TMEM236: variants seen among roughly 807,000 people sequenced by gnomAD.
The protein encoded by TMEM236 is transmembrane protein 236.
A neutral mutation model predicts 14.7 loss-of-function variants in TMEM236; 11 were observed. The ratio of observed to expected loss-of-function variants is 0.75; its 90% CI spans 0.47 to 1.24. The LOEUF is 1.24. Ranked by LOEUF, TMEM236 falls within the 50% of genes most tolerant of loss-of-function variation. TMEM236 has a pLI of 0.00. For missense variants in TMEM236, 464 were observed against 427.3 expected, an observed-to-expected ratio of 1.09 and a Z score of -0.76; for synonymous variants, 182 against 168.6, an observed-to-expected ratio of 1.08 and a Z score of -0.62.
Position 17,796,360 on chromosome 10 carries a change from T to G in TMEM236, c.912T>G (p.Val304=). The change falls in exon 4 of 4, where the codon GTT becomes GTG. Residue 304 remains valine, a synonymous_variant. Transcript: ENST00000377495. ...TGCAAGATTTACCATTCGTTTTTGT[T>G]AGACTTGGTTTAATCATTGCCCTGG... ...VLLQDLPFVF[V]RLGLIIALGT... 1 of 1,613,952 alleles carries G rather than the reference T, an allele frequency of 6.2e-7. No individual in the cohort carries two copies. The highest frequency in any genetic ancestry group is 8.5e-7 in the Non-Finnish European group (1 of 1,179,866).
chr10:17,763,721 G>C (rs1234651153), intron 1 of TMEM236, among the ~76,000 whole-genome samples: 2 of 152,342 alleles, frequency 1.3e-5, no homozygotes, highest in Non-Finnish European at 2.9e-5. Flanking sequence ...AGTTGATATA[G>C]TGAATTATTT....
chr10:17,775,025 T>G (rs988106639), intron 2 of TMEM236, among the ~76,000 whole-genome samples: 9 of 152,104 alleles, frequency 5.9e-5, no homozygotes, highest in African/African-American at 2.2e-4. Flanking sequence ...GATCTCGAAC[T>G]CCTGACCTCA....
At chr10:17,770,127 G>A (rs1837544781) in intron 1 of TMEM236, among the ~76,000 whole-genome samples, 2 of 152,094 alleles carry the variant, frequency 1.3e-5, no homozygotes, top group South Asian at 4.1e-4. Flanking sequence ...TAGGATAGTG[G>A]CCTCCAGCTA....
chr10:17,788,696 A>C lies in TMEM236; in HGVS notation c.473-7225A>C, dbSNP rs1055639133. On this transcript the variant is annotated intron_variant, in intron 3 of 3. Coordinates refer to ENST00000377495, the MANE Select transcript of TMEM236 (RefSeq NM_001098844.3). ...TAACATTTTATATTGTATAAGATAC[A>C]GAAATGATACATTTATTTATTGTCA... is the stretch of plus-strand genomic sequence containing the variant. Among the ~76,000 whole-genome samples the C allele has an allele frequency of 5.9e-5, 9 of 152,362 alleles. No individual in the cohort carries two copies. In the East Asian group the frequency reaches 1.5e-3, roughly 26 times the overall value.
intron 2 of TMEM236, among the ~76,000 whole-genome samples, 200 bp from the exon 3 acceptor site, chr10:17,775,829 A>G (rs1837650196): frequency 6.6e-6 from 1 of 152,192 alleles, no homozygotes; most frequent in Non-Finnish European, 1.5e-5. Context: ...ATATGCTTCC[A>G]TTGATATGAG....
chr10:17,795,734 C>T (rs1838000709), intron 3 of TMEM236, among the ~76,000 whole-genome samples, 187 bp from the exon 4 acceptor site: 1 of 152,092 alleles, frequency 6.6e-6, no homozygotes, highest in Non-Finnish European at 1.5e-5. Flanking sequence ...ACACATTTGC[C>T]TATGTAACAA....
At chr10:17,759,254 A>G (rs943606583) in intron 1 of TMEM236, among the ~76,000 whole-genome samples, 31 of 152,214 alleles carry the variant, frequency 2.0e-4, no homozygotes, top group African/African-American at 6.3e-4. Flanking sequence ...GATAACATTG[A>G]GCTACAAGGC....
At chr10:17,772,888 C>T (rs1166221062) in intron 2 of TMEM236, among the ~76,000 whole-genome samples, 2 of 152,090 alleles carry the variant, frequency 1.3e-5, no homozygotes, top group Non-Finnish European at 2.9e-5. Flanking sequence ...ACTTCTGATA[C>T]TGCAGGCTAG....
Position 17,774,025 on chromosome 10 carries a change from ATATT to A in TMEM236, c.331-2002_331-1999del, listed in dbSNP as rs370400732. On this transcript the variant is annotated intron_variant, in intron 2 of 3. Coordinates refer to ENST00000377495, the MANE Select transcript of TMEM236 (RefSeq NM_001098844.3). ...AAGTCTTAAAATCTTTCATATATAT[ATATT>A]TTTGTTTGTTTGTTTGTTTGTTTGT... Among the ~76,000 whole-genome samples the A allele has an allele frequency of 1.3e-3, 53 of 40,840 alleles. No individual in the cohort carries two copies. In the East Asian group the frequency reaches 0.093, roughly 72 times the overall value. The allele number at this position is 40,840 out of a possible 152,430, so 26.8% of individuals were successfully genotyped here.
chr10:17,764,019 T>C lies in TMEM236; in HGVS notation c.258-7290T>C, dbSNP rs968817473. On this transcript the variant is annotated intron_variant, in intron 1 of 3. Coordinates refer to ENST00000377495, the MANE Select transcript of TMEM236 (RefSeq NM_001098844.3). ...TAGCCTGTGGCATGATATGAACTCA[T>C]TGAGTTGTCGTAAAGAGCTGAGTGT... is the stretch of plus-strand genomic sequence containing the variant. Among the ~76,000 whole-genome samples, 966 of 152,268 alleles carry C rather than the reference T, an allele frequency of 6.3e-3. 20 individuals are homozygous for C. The highest frequency in any genetic ancestry group is 0.022 in the African/African-American group (894 of 41,534).
At chr10:17,767,019 A>C (rs2131745886) in intron 1 of TMEM236, among the ~76,000 whole-genome samples, 1 of 152,238 alleles carries the variant, frequency 6.6e-6, no homozygotes, top group Admixed American at 6.5e-5. Context: ...GTCATATTGG[A>C]TTAGGACCCA....
intron 3 of TMEM236, among the ~76,000 whole-genome samples, chr10:17,784,539 C>T (rs1355940574): frequency 1.3e-5 from 2 of 152,144 alleles, no homozygotes; most frequent in Non-Finnish European, 2.9e-5. Flanking sequence ...GCTTCTCATC[C>T]TTGGCTGTAC....
intron 3 of TMEM236, among the ~76,000 whole-genome samples, chr10:17,777,369 C>T (rs1205878943): frequency 6.6e-6 from 1 of 152,196 alleles, no homozygotes; most frequent in East Asian, 1.9e-4. Context: ...CAGAGTCAAG[C>T]GTATTTGTCT....
In TMEM236 at chr10:17,761,739, G is replaced by A. The variant is rs958343749; in HGVS notation, c.257+9187G>A. On this transcript the variant is annotated intron_variant, in intron 1 of 3. Transcript: ENST00000377495. The stretch of plus-strand genomic sequence containing the variant: ...AAAGGAAGTTTTCTGTATCTCAGCC[G>A]CACCCCTTAAAAATCTCCTCTTCCC... Among the ~76,000 whole-genome samples the A allele has an allele frequency of 1.0e-4, 15 of 149,260 alleles. No homozygotes were observed. In the East Asian group the frequency reaches 2.0e-3, roughly 20 times the overall value.
chr10:17,780,201 T>C (rs1439664513), intron 3 of TMEM236, among the ~76,000 whole-genome samples: 2 of 152,130 alleles, frequency 1.3e-5, no homozygotes, highest in African/African-American at 4.8e-5. Flanking sequence ...CCAGACTCCT[T>C]TGAGGCAGCT....
intron 1 of TMEM236, 68 bp from the exon 2 acceptor site, chr10:17,771,241 A>G: frequency 1.4e-6 from 2 of 1,451,432 alleles, no homozygotes; most frequent in South Asian, 2.3e-5. Context: ...CTGCAAAATT[A>G]GCAAAATGTA....
chr10:17,783,227 G>A (rs1837782777), intron 3 of TMEM236, among the ~76,000 whole-genome samples: 1 of 152,180 alleles, frequency 6.6e-6, no homozygotes, highest in African/African-American at 2.4e-5. Flanking sequence ...CAAGAACACT[G>A]CCAGAAGAAA....
chr10:17,799,059 T>C lies in TMEM236; in HGVS notation c.*2555T>C. 1 of 200,676 alleles carries C rather than the reference T, an allele frequency of 5.0e-6. No individual in the cohort carries two copies. The highest frequency in any genetic ancestry group is 8.1e-5 in the South Asian group (1 of 12,360). The allele number at this position is 200,676 out of a possible 1,614,324, so 12.4% of individuals were successfully genotyped here. A position where few individuals can be genotyped will look rare whatever the true frequency, so the allele number is the denominator to read the frequency against. ...GAGTATTGTATTCAAAAGTGATCGA[T>C]CTGCTGAATATATAAATTAAAATGG... On this transcript the variant is annotated 3_prime_UTR_variant, in exon 4 of 4. Transcript: ENST00000377495.
intron 2 of TMEM236, among the ~76,000 whole-genome samples, chr10:17,772,259 GGTT>G (rs1397759321): frequency 2.0e-5 from 3 of 152,192 alleles, no homozygotes; most frequent in African/African-American, 7.2e-5. Flanking sequence ...GAAATTACAT[GGTT>G]GTTAGAATGC....
Sources: allele counts gnomAD v4.1 joint callset (sites outside exome capture counted in the v4.1 genomes callset), GRCh38; gene constraint gnomAD v4.1.1; transcripts MANE v1.5; gene names NCBI Gene and HGNC (gene_info 2026-07-23, HGNC 2026-07-21).